NINJ2: variants seen among roughly 807,000 people sequenced by gnomAD.
The protein encoded by NINJ2 is ninjurin-2.
Under a neutral mutation model 11.7 loss-of-function variants are expected in NINJ2, and 12 were observed. The observed-to-expected ratio is 1.02, with a 90% CI of 0.66 to 1.66. The LOEUF is 1.66. NINJ2 is among the 40% of genes most tolerant of loss of function. The pLI is 0.00. For missense variants in NINJ2, 187 were observed against 181.8 expected (o/e 1.03, Z -0.16); for synonymous variants, 93 against 76.8 (o/e 1.21, Z -1.10).
At chr12:659,800 C>T (rs11064120) in intron 1 of NINJ2, among the ~76,000 whole-genome samples, 33,071 of 152,192 alleles carry the variant, frequency 0.22, 3,683 homozygotes, top group South Asian at 0.27. Context: ...AGGGTTTCAA[C>T]GTCTCAGTGC....
chr12:612,101 A>G (rs1948039457), intron 1 of NINJ2, among the ~76,000 whole-genome samples: 1 of 152,172 alleles, frequency 6.6e-6, no homozygotes, highest in Admixed American at 6.5e-5. Context: ...AGCATCTTCA[A>G]TCATGTGTAT....
intron 1 of NINJ2, among the ~76,000 whole-genome samples, chr12:616,231 C>CT (rs1159714646): frequency 3.9e-5 from 6 of 152,130 alleles, no homozygotes; most frequent in African/African-American, 1.4e-4. Context: ...AGAACAGAGG[C>CT]TGGAGGAGGA....
chr12:579,269 G>A (rs775680748), intron 1 of NINJ2, among the ~76,000 whole-genome samples: 1 of 152,152 alleles, frequency 6.6e-6, no homozygotes, highest in Non-Finnish European at 1.5e-5. Context: ...GGAAGGTGGT[G>A]AATTTCCCAC....
rs1947558482 is a variant in NINJ2, at chr12:581,695, A to C, written c.34-15517T>G. Among the ~76,000 whole-genome samples, 3 of 152,042 alleles carry C rather than the reference A, an allele frequency of 2.0e-5. No individual in the cohort carries two copies. Among genetic ancestry groups the C allele is most frequent in the Admixed American group, 6.6e-5 (1 of 15,254 alleles). ...GCCGGCAAGTGGGTGCAGGGATCTGATCCCACTGCTGACCATCCAACTCAC... is the reference window on the plus strand; with the variant it reads ...GCCGGCAAGTGGGTGCAGGGATCTGCTCCCACTGCTGACCATCCAACTCAC... On this transcript the variant is annotated intron_variant, in intron 1 of 3. Coordinates refer to ENST00000305108, the MANE Select transcript of NINJ2 (RefSeq NM_016533.6). This position sits in a 1 kb window ranked among gnomAD's most constrained non-coding sequence, Gnocchi z 4.9.
intron 1 of NINJ2, among the ~76,000 whole-genome samples, chr12:611,334 T>A (rs1342051524): frequency 6.6e-6 from 1 of 151,570 alleles, no homozygotes; most frequent in East Asian, 1.9e-4. Context: ...TTTCTTTCTT[T>A]TCTTCTTTCT....
intron 1 of NINJ2, among the ~76,000 whole-genome samples, chr12:583,622 G>A (rs563164736): frequency 1.3e-5 from 2 of 152,346 alleles, no homozygotes; most frequent in East Asian, 3.9e-4. Flanking sequence ...CTGAATTGTG[G>A]GATACCAGGA....
At chr12:652,643 A>G (rs540376399) in intron 1 of NINJ2, among the ~76,000 whole-genome samples, 3 of 152,130 alleles carry the variant, frequency 2.0e-5, no homozygotes, top group African/African-American at 4.8e-5. Context: ...ATTCTTTTTT[A>G]AAATTAACAA....
At chr12:574,999 GGATTATACTCCCACGTGT>G (rs1947434612) in intron 1 of NINJ2, among the ~76,000 whole-genome samples, 1 of 152,202 alleles carries the variant, frequency 6.6e-6, no homozygotes, top group South Asian at 2.1e-4. Flanking sequence ...ATCCCACAGA[GGATTATACTCCCACGTGT>G]GGGCCTAGAG....
rs796283080 is a variant in NINJ2, at chr12:633,498, CA to C, written c.33+29829del. ...CTGGGCAACAGAAAGAGACTGTCTC[CA>C]AAAAAAAAAAATCATGTCATTTAAA... On this transcript the variant is annotated intron_variant, in intron 1 of 3. Transcript: ENST00000305108. This position sits in a 1 kb window ranked among gnomAD's most constrained non-coding sequence, Gnocchi z 4.3. 1.3e-3 allele frequency among the ~76,000 whole-genome samples: 186 copies of C among 140,768 alleles called. No homozygotes were observed. Among genetic ancestry groups the C allele is most frequent in the Non-Finnish European group, 1.8e-3 (113 of 64,088 alleles). The allele number at this position is 140,768 out of a possible 152,430, so 92.3% of individuals were successfully genotyped here.
At chr12:588,868 A>G (rs920994439) in intron 1 of NINJ2, among the ~76,000 whole-genome samples, 1 of 152,260 alleles carries the variant, frequency 6.6e-6, no homozygotes, top group Non-Finnish European at 1.5e-5. Flanking sequence ...GATAATACTC[A>G]GTGTTGGTGA....
At chr12:576,269 G>A (rs1947458993) in intron 1 of NINJ2, among the ~76,000 whole-genome samples, 2 of 152,104 alleles carry the variant, frequency 1.3e-5, no homozygotes, top group Non-Finnish European at 2.9e-5. Context: ...CGGCGCCGCC[G>A]TTGTCCACCA....
chr12:661,992 CTAAA>C (rs1166741436), intron 1 of NINJ2, among the ~76,000 whole-genome samples: 2 of 152,272 alleles, frequency 1.3e-5, no homozygotes, highest in East Asian at 1.9e-4. Flanking sequence ...GCAATACATA[CTAAA>C]TAAATAAGCA....
intron 1 of NINJ2, chr12:610,489 C>T: frequency 6.5e-7 from 1 of 1,526,720 alleles, no homozygotes; most frequent in Admixed American, 2.0e-5. Context: ...CGAGCACAGC[C>T]TTCTGCCCCC....
chr12:568,713 C>T (rs1947335408), intron 1 of NINJ2, among the ~76,000 whole-genome samples: 1 of 152,262 alleles, frequency 6.6e-6, no homozygotes, highest in Non-Finnish European at 1.5e-5. Flanking sequence ...GTGTCCTCAA[C>T]TTCTGGACGG....
chr12:600,647 T>G (rs1947853259), intron 1 of NINJ2, among the ~76,000 whole-genome samples: 1 of 142,294 alleles, frequency 7.0e-6, no homozygotes, highest in African/African-American at 2.6e-5. Flanking sequence ...GGCAGAATTT[T>G]TTTGGGGTGT....
chr12:663,334 G>T lies in NINJ2; in HGVS notation c.27C>A (p.Asp9Glu). 1 of 1,614,086 alleles carries T rather than the reference G, an allele frequency of 6.2e-7. No homozygotes were observed. Among genetic ancestry groups the T allele is most frequent in the Non-Finnish European group, 8.5e-7 (1 of 1,179,992 alleles). Residue 9 changes from aspartate (D) to glutamate (E), a missense_variant, in exon 1 of 4, where the codon GAC (aspartate) becomes GAA (glutamate). Transcript: ENST00000305108. MESARENI[D>E]LQPGSSDPRS... ...TCTTCCAGAGAGAACTTACTTGAAG[G>T]TCGATGTTTTCTCTTGCTGATTCCA... is the stretch of plus-strand genomic sequence containing the variant.
At chr12:615,268 C>T (rs1180457109) in intron 1 of NINJ2, among the ~76,000 whole-genome samples, 1 of 152,148 alleles carries the variant, frequency 6.6e-6, no homozygotes. Flanking sequence ...TGACTGACAG[C>T]TTTTCCAAAG....
chr12:659,844 A>G (rs920667343), intron 1 of NINJ2, among the ~76,000 whole-genome samples: 8 of 152,228 alleles, frequency 5.3e-5, no homozygotes, highest in African/African-American at 1.7e-4. Flanking sequence ...CCTGTGATCC[A>G]TGTCACCCAG....
intron 1 of NINJ2, chr12:610,456 G>C: frequency 6.5e-7 from 1 of 1,534,874 alleles, no homozygotes; most frequent in Non-Finnish European, 8.7e-7. Context: ...GGTCAGCCTG[G>C]TGGCTGAGAG....
Sources: allele counts gnomAD v4.1 joint callset (sites outside exome capture counted in the v4.1 genomes callset), GRCh38; gene constraint gnomAD v4.1.1; non-coding constraint Gnocchi (gnomAD v3.1); transcripts MANE v1.5; gene names NCBI Gene and HGNC (gene_info 2026-07-23, HGNC 2026-07-21).